The following RC3H2 variants were observed in gnomAD, a reference collection of about 807,000 sequenced individuals.
RC3H2 encodes the protein ring finger and CCCH-type domains 2.
In RC3H2, 31 loss-of-function variants were observed where a neutral mutation model predicts 133.3. The observed-to-expected ratio is 0.23, with a 90% CI of 0.17 to 0.31. RC3H2 has a LOEUF of 0.31. RC3H2 is among the 10% of genes least tolerant of loss of function. The pLI is 1.00. For synonymous variants in RC3H2, 517 were observed against 502.2 expected (o/e 1.03, Z -0.40); for missense variants, 1,175 against 1,437.2 (o/e 0.82, Z 2.95).
In RC3H2 at chr9:122,851,226, T is replaced by G. The variant is rs368432643; in HGVS notation, c.3235A>C (p.Ile1079Leu). 1 of 1,613,822 alleles carries G rather than the reference T, an allele frequency of 6.2e-7. No individual in the cohort carries two copies. The highest frequency in any genetic ancestry group is 8.5e-7 in the Non-Finnish European group (1 of 1,179,880). The stretch of plus-strand genomic sequence containing the variant: ...CTGATACCAAGCTGTATGTCCAAGA[T>G]CTCCTAAGAAAATAAAATGTTAATC... The part of the protein sequence containing the change: ...PDGQSEPIEE[I>L]LDIQLGISSQ... The change falls in exon 20 of 21, where the codon ATC becomes CTC. Residue 1079 changes from isoleucine to leucine, a missense_variant. Physicochemically the swap from Ile to Leu is conservative, Grantham distance 5. Around this residue, in one of 8 missense-constraint regions of RC3H2, gnomAD observed 220 missense variants for 201.1 expected, o/e 1.09. Transcript: ENST00000357244.
At chr9:122,902,388 C>A (rs1832691245) in intron 1 of RC3H2, among the ~76,000 whole-genome samples, 1 of 152,206 alleles carries the variant, frequency 6.6e-6, no homozygotes, top group African/African-American at 2.4e-5. Context: ...CTGATTGTAA[C>A]AGGATAATCT....
intron 2 of RC3H2, among the ~76,000 whole-genome samples, chr9:122,895,403 A>G (rs964813332): frequency 6.6e-6 from 1 of 152,048 alleles, no homozygotes; most frequent in Non-Finnish European, 1.5e-5. Context: ...CCTGGCCTCA[A>G]GCAGCCTGCC....
rs1461642037 is a variant in RC3H2, at chr9:122,855,750, A to T, written c.2583T>A (p.Asn861Lys). 6.2e-7 allele frequency: 1 copy of T among 1,612,962 alleles called. No individual in the cohort carries two copies. ...ATCATACCATTAACACAGCATTTGA[A>T]TTAGCAATGACATCTTTGGGCTCTG... ...IDSEPKDVIA[N>K]SNAVLMDLDS... Residue 861 changes from asparagine to lysine, a missense_variant, in exon 14 of 21, where the codon AAT becomes AAA. Asn to Lys is a moderately conservative substitution (Grantham distance 94, BLOSUM62 0). This residue lies in a region of RC3H2 where 138 missense variants were observed against 215.0 expected (regional missense o/e 0.64). Transcript: ENST00000357244.
intron 3 of RC3H2, among the ~76,000 whole-genome samples, chr9:122,890,775 T>A (rs1832130133): frequency 6.6e-6 from 1 of 152,160 alleles, no homozygotes; most frequent in African/African-American, 2.4e-5. Context: ...TGACTCTATT[T>A]TTTAATTGTA....
In RC3H2 at chr9:122,857,913, C is replaced by T. The variant is rs532349575; in HGVS notation, c.2454+10G>A. On this transcript the variant is annotated intron_variant, in intron 13 of 20. Coordinates refer to ENST00000357244, the MANE Select transcript of RC3H2 (RefSeq NM_001100588.3). ...TCCCTGCAACATTAAGTAATTAAAA[C>T]CTTTCTTACATCCGCACGAAAGTCT... 14 of 1,609,958 alleles carry T rather than the reference C, an allele frequency of 8.7e-6. No individual in the cohort carries two copies. The highest frequency in any genetic ancestry group is 5.5e-5 in the South Asian group (5 of 90,542).
rs1321645323 is a variant in RC3H2, at chr9:122,897,179, C to CA, written c.231+99_231+100insT. The CA allele has an allele frequency of 4.6e-5, 45 of 981,714 alleles. No individual in the cohort carries two copies. In the African/African-American group the frequency reaches 7.0e-4, roughly 15 times the overall value. 60.8% of individuals were successfully genotyped at this position (981,714 alleles called of 1,614,324 possible). A position where few individuals can be genotyped will look rare whatever the true frequency, so the allele number is the denominator to read the frequency against. ...GTGTTGGGCCGCATTCAAAGATGTC[C>CA]TGGGCCACATGTAGCCTGCAGGCTG... On this transcript the variant is annotated intron_variant, in intron 2 of 20. Coordinates refer to ENST00000357244, the MANE Select transcript of RC3H2 (RefSeq NM_001100588.3).
Position 122,851,384 on chromosome 9 carries a change from A to G in RC3H2, c.3170T>C (p.Ile1057Thr). 1 of 1,614,168 alleles carries G rather than the reference A, an allele frequency of 6.2e-7. No homozygotes were observed. The highest frequency in any genetic ancestry group is 8.5e-7 in the Non-Finnish European group (1 of 1,180,018). Reference protein sequence around the residue: ...DATDTKPDRDIELELSALDTD... With the variant: ...DATDTKPDRDTELELSALDTD... ...ATCAAGTGCTGAAAGCTCTAACTCG[A>G]TATCCCTATCAGGTTTAGTATCTGT... Residue 1057 changes from isoleucine (I) to threonine (T), a missense_variant, in exon 19 of 21, where the codon ATC becomes ACC. Ile to Thr is a moderately conservative substitution (Grantham distance 89). Around this residue, in one of 8 missense-constraint regions of RC3H2, gnomAD observed 220 missense variants for 201.1 expected, o/e 1.09. Coordinates refer to ENST00000357244, the MANE Select transcript of RC3H2 (RefSeq NM_001100588.3).
At chr9:122,901,946 TGA>T (rs1832668847) in intron 1 of RC3H2, among the ~76,000 whole-genome samples, 1 of 148,056 alleles carries the variant, frequency 6.8e-6, no homozygotes, top group Admixed American at 6.7e-5. Context: ...TTTTTTTTTT[TGA>T]GACGGAGTTT....
At chr9:122,888,103 T>G (rs187419450) in intron 4 of RC3H2, among the ~76,000 whole-genome samples, 2 of 152,130 alleles carry the variant, frequency 1.3e-5, no homozygotes, top group African/African-American at 4.8e-5. Flanking sequence ...ACATAATTAT[T>G]TGCTTGCTTG....
Position 122,905,292 on chromosome 9 carries a change from C to A in RC3H2, c.-250G>T. ...GCGGCGAAGGCCGCGACGGGGCCTC[C>A]TCCTCCTCCCTCCACCTCCGCCTCC... On this transcript the variant is annotated 5_prime_UTR_variant, in exon 1 of 21. In the 5' UTR this introduces an upstream ATG that the reference lacks. Coordinates refer to ENST00000357244, the MANE Select transcript of RC3H2 (RefSeq NM_001100588.3). 1.0e-6 allele frequency: 1 copy of A among 985,616 alleles called. No homozygotes were observed. The highest frequency in any genetic ancestry group is 1.2e-6 in the Non-Finnish European group (1 of 829,924). 61.1% of individuals were successfully genotyped at this position (985,616 alleles called of 1,614,324 possible). A position where few individuals can be genotyped will look rare whatever the true frequency, so the allele number is the denominator to read the frequency against.
Position 122,897,592 on chromosome 9 carries a change from A to G in RC3H2, c.-67-16T>C. The stretch of plus-strand genomic sequence containing the variant: ...GTTTTGTAAGCTAGAAATGGACAAA[A>G]GTATGAATTAACCACATATTCATCA... On this transcript the variant is annotated splice_polypyrimidine_tract_variant and intron_variant, in intron 1 of 20. Coordinates refer to ENST00000357244, the MANE Select transcript of RC3H2 (RefSeq NM_001100588.3). The G allele has an allele frequency of 2.0e-6, 3 of 1,496,666 alleles. No homozygotes were observed. The highest frequency in any genetic ancestry group is 1.3e-5 in the South Asian group (1 of 76,100). The allele number at this position is 1,496,666 out of a possible 1,614,324, so 92.7% of individuals were successfully genotyped here. A position where few individuals can be genotyped will look rare whatever the true frequency, so the allele number is the denominator to read the frequency against.
At chr9:122,856,027 GC>G in intron 13 of RC3H2, 149 bp from the exon 14 acceptor site, 3 of 615,770 alleles carry the variant, frequency 4.9e-6, no homozygotes, top group Non-Finnish European at 7.8e-6. Flanking sequence ...ACTGTAATAA[GC>G]AAGAAATGGT....
intron 3 of RC3H2, among the ~76,000 whole-genome samples, chr9:122,891,818 G>A (rs1197432990): frequency 6.6e-6 from 1 of 152,166 alleles, no homozygotes; most frequent in East Asian, 1.9e-4. Context: ...TTCAACAATT[G>A]TTTATTATAC....
intron 2 of RC3H2, among the ~76,000 whole-genome samples, chr9:122,897,026 A>T (rs1353953225): frequency 1.8e-3 from 157 of 85,980 alleles, no homozygotes; most frequent in African/African-American, 8.0e-3. Flanking sequence ...ACTCTGTCTA[A>T]AAAAAAAAAA....
chr9:122,894,750 C>T (rs1413998781), intron 2 of RC3H2, among the ~76,000 whole-genome samples: 4 of 152,120 alleles, frequency 2.6e-5, no homozygotes, highest in South Asian at 4.2e-4. Context: ...CATGGTGGCA[C>T]GCACCTGCAA....
intron 11 of RC3H2, 149 bp from the exon 12 acceptor site, chr9:122,859,251 G>GTTTTTTTT (rs1564287865): frequency 4.2e-5 from 13 of 307,336 alleles, no homozygotes; most frequent in African/African-American, 1.5e-4. Context: ...TTATACCCTG[G>GTTTTTTTT]CTTTTTTTTT....
intron 9 of RC3H2, among the ~76,000 whole-genome samples, chr9:122,877,171 G>A (rs892101844): frequency 2.1e-4 from 32 of 152,166 alleles, no homozygotes; most frequent in Admixed American, 1.8e-3. Flanking sequence ...TGGGGTTCAA[G>A]CAATCCTTCC....
intron 4 of RC3H2, among the ~76,000 whole-genome samples, chr9:122,884,293 TA>T (rs899751694): frequency 1.3e-5 from 2 of 148,934 alleles, no homozygotes; most frequent in African/African-American, 2.5e-5. Flanking sequence ...ACTCCGTCTC[TA>T]AAAAAAAAAT....
At chr9:122,901,765 T>C (rs1832659857) in intron 1 of RC3H2, among the ~76,000 whole-genome samples, 1 of 149,668 alleles carries the variant, frequency 6.7e-6, no homozygotes, top group Non-Finnish European at 1.5e-5. Flanking sequence ...TTAATTTTTG[T>C]ATTTTTAGTA....
Sources: allele counts gnomAD v4.1 joint callset (sites outside exome capture counted in the v4.1 genomes callset), GRCh38; gene constraint gnomAD v4.1.1; regional missense constraint gnomAD v4.1.1; transcripts MANE v1.5; gene names NCBI Gene and HGNC (gene_info 2026-07-23, HGNC 2026-07-21).